Variants in KIAA0319L observed in about 807,000 individuals in gnomAD.
The protein encoded by KIAA0319L is dyslexia-associated protein KIAA0319-like protein.
A neutral mutation model predicts 120.1 loss-of-function variants in KIAA0319L; 55 were observed. The observed-to-expected ratio is 0.46, with a 90% CI of 0.37 to 0.57. The LOEUF (loss-of-function observed/expected upper bound fraction) is 0.57, where lower values mean the gene tolerates loss of function less well. Among genes scored for constraint, KIAA0319L ranks in the 20% least tolerant of loss-of-function variants. The pLI is 0.00. For synonymous variants in KIAA0319L, 398 were observed against 471.9 expected (o/e 0.84, Z 2.03); for missense variants, 1,049 against 1,255.3 (o/e 0.84, Z 2.48).
chr1:35,552,392 G>A (rs181831813), intron 2 of KIAA0319L, among the ~76,000 whole-genome samples: 1 of 152,198 alleles, frequency 6.6e-6, no homozygotes. Context: ...TGGTTGGAAG[G>A]CAGAGTACCA....
At chr1:35,504,176 G>A (rs866595418) in intron 3 of KIAA0319L, among the ~76,000 whole-genome samples, 3 of 149,700 alleles carry the variant, frequency 2.0e-5, no homozygotes, top group South Asian at 4.2e-4. Context: ...ATAAGCTGCC[G>A]TGCCCAGCCC....
chr1:35,485,886 C>T (rs1311313644), intron 3 of KIAA0319L, among the ~76,000 whole-genome samples: 1 of 152,188 alleles, frequency 6.6e-6, no homozygotes, highest in Non-Finnish European at 1.5e-5. Context: ...AAGCAGTCCT[C>T]CTACCTCAGC....
intron 17 of KIAA0319L, among the ~76,000 whole-genome samples, chr1:35,443,721 A>C (rs1641403039): frequency 6.6e-6 from 1 of 151,912 alleles, no homozygotes; most frequent in South Asian, 2.1e-4. Context: ...TTAAACAACA[A>C]GAGCTAGAAG....
rs1329470667 is a variant in KIAA0319L at position 35,434,914 on chromosome 1, G to A, written c.3130C>T (p.Pro1044Ser). The A allele has an allele frequency of 5.0e-6, 8 of 1,612,810 alleles. No individual in the cohort carries two copies. Among genetic ancestry groups the A allele is most frequent in the Non-Finnish European group, 5.9e-6 (7 of 1,180,018 alleles). The change falls in exon 21 of 21, where the codon CCG (proline) becomes TCG (serine). Residue 1044 changes from proline to serine, a missense_variant. Pro to Ser is a moderately conservative substitution (Grantham distance 74, BLOSUM62 -1). Transcript: ENST00000325722. Reference sequence around the variant, plus strand: ...GGTGGCTACAGGATCTCCTCCCGCGGGCTCCTGGCCTTCAGAGGGGTCTGC... The same window carrying A: ...GGTGGCTACAGGATCTCCTCCCGCGAGCTCCTGGCCTTCAGAGGGGTCTGC... ...NGQTPLKARS[P>S]REEIL
chr1:35,513,212 T>G (rs1390199447), intron 2 of KIAA0319L, among the ~76,000 whole-genome samples: 1 of 148,316 alleles, frequency 6.7e-6, no homozygotes, highest in African/African-American at 2.5e-5. Flanking sequence ...CGTTAACTTA[T>G]AGAATATGTT....
rs1310429399 is a variant in KIAA0319L, at chr1:35,548,002, T to C, written c.142+6348A>G. Among the ~76,000 whole-genome samples, 4 of 151,838 alleles carry C rather than the reference T, an allele frequency of 2.6e-5. No individual in the cohort carries two copies. In the East Asian group the frequency reaches 7.7e-4, roughly 29 times the overall value. On this transcript the variant is annotated intron_variant, in intron 2 of 20. Coordinates refer to ENST00000325722, the MANE Select transcript of KIAA0319L (RefSeq NM_024874.5). Reference sequence around the variant, plus strand: ...CAGGTGTGGTGGTGCACCCCTGTAGTCCCAGCTACTCGGGAGGCTGGGGTA... The same window carrying C: ...CAGGTGTGGTGGTGCACCCCTGTAGCCCCAGCTACTCGGGAGGCTGGGGTA...
chr1:35,502,337 T>C (rs1020238138), intron 3 of KIAA0319L, among the ~76,000 whole-genome samples: 4 of 150,936 alleles, frequency 2.7e-5, no homozygotes, highest in African/African-American at 9.7e-5. Context: ...ATTTGCTGTA[T>C]AGATTAAGAG....
At chr1:35,459,146 T>A (rs1271040940) in intron 9 of KIAA0319L, among the ~76,000 whole-genome samples, 1 of 152,018 alleles carries the variant, frequency 6.6e-6, no homozygotes, top group Non-Finnish European at 1.5e-5. Flanking sequence ...AGAGCCATAT[T>A]CTCTCCTGTC....
At chr1:35,520,076 C>T (rs1290974379) in intron 2 of KIAA0319L, among the ~76,000 whole-genome samples, 1 of 149,906 alleles carries the variant, frequency 6.7e-6, no homozygotes, top group African/African-American at 2.5e-5. Context: ...CCCACAGTAG[C>T]CACCCTCAAA....
rs1446510410 is a variant in KIAA0319L at position 35,554,521 on chromosome 1, T to C, written c.-28-2A>G. The C allele has an allele frequency of 7.8e-6, 12 of 1,542,976 alleles. No homozygotes were observed. The highest frequency in any genetic ancestry group is 1.7e-4 in the Middle Eastern group (1 of 5,754). ...CTCCAGACAGGCAGAACCAGTACACTAGAAGGACAGAAAGAGAAGAAATTA... is the reference window on the plus strand; with the variant it reads ...CTCCAGACAGGCAGAACCAGTACACCAGAAGGACAGAAAGAGAAGAAATTA... On this transcript the variant is annotated splice_acceptor_variant, in intron 1 of 20. Coordinates refer to ENST00000325722, the MANE Select transcript of KIAA0319L (RefSeq NM_024874.5). LOFTEE classifies it low-confidence loss of function (5UTR_SPLICE).
chr1:35,556,769 A>C (rs1426497162), intron 1 of KIAA0319L: 1 of 152,092 alleles, frequency 6.6e-6, no homozygotes, highest in African/African-American at 2.4e-5. Context: ...TGTGGGGCAT[A>C]ATTTTCAAAA....
At chr1:35,468,801 C>T (rs1339530330) in intron 6 of KIAA0319L, among the ~76,000 whole-genome samples, 12 of 152,194 alleles carry the variant, frequency 7.9e-5, no homozygotes, top group Non-Finnish European at 1.6e-4. Flanking sequence ...TGTCATAGCA[C>T]AATTATTAAA....
intron 20 of KIAA0319L, 60 bp from the exon 21 acceptor site, chr1:35,435,141 C>G (rs1640681893): frequency 2.7e-6 from 4 of 1,475,962 alleles, no homozygotes; most frequent in African/African-American, 1.4e-5. Context: ...GAGCCACCCC[C>G]ACACCTTACC....
chr1:35,443,762 AGT>A (rs2149077595), intron 17 of KIAA0319L, among the ~76,000 whole-genome samples: 1 of 152,280 alleles, frequency 6.6e-6, no homozygotes, highest in South Asian at 2.1e-4. Flanking sequence ...ATTTTGAAGT[AGT>A]GATAAGTAAA....
chr1:35,519,458 G>A lies in KIAA0319L; in HGVS notation c.143-12323C>T, dbSNP rs142405735. 2.3e-3 allele frequency among the ~76,000 whole-genome samples: 348 copies of A among 152,116 alleles called. 1 individual carries two copies. Among genetic ancestry groups the A allele is most frequent in the African/African-American group, 7.7e-3 (319 of 41,484 alleles). Reference sequence around the variant, plus strand: ...CCACATTTCCAGCTCAGGCTGCTTCGCTGCTGCCTTTCAGTAACAATTAAA... The same window carrying A: ...CCACATTTCCAGCTCAGGCTGCTTCACTGCTGCCTTTCAGTAACAATTAAA... On this transcript the variant is annotated intron_variant, in intron 2 of 20. Transcript: ENST00000325722.
chr1:35,498,576 C>G (rs1328842653), intron 3 of KIAA0319L, among the ~76,000 whole-genome samples: 1 of 152,162 alleles, frequency 6.6e-6, no homozygotes, highest in African/African-American at 2.4e-5. Context: ...TCCCTTCCTC[C>G]CTGCCTCCAC....
chr1:35,435,293 A>G, intron 20 of KIAA0319L: 1 of 558,052 alleles, frequency 1.8e-6, no homozygotes, highest in African/African-American at 1.9e-5. Context: ...CAGAGTACGG[A>G]TGAGAGCACA....
chr1:35,538,938 TCTAA>T (rs1308263284), intron 2 of KIAA0319L, among the ~76,000 whole-genome samples: 1 of 152,078 alleles, frequency 6.6e-6, no homozygotes, highest in African/African-American at 2.4e-5. Context: ...ATAGACTATC[TCTAA>T]CTGCACGGAA....
At chr1:35,538,378 G>A (rs904099245) in intron 2 of KIAA0319L, among the ~76,000 whole-genome samples, 1 of 151,920 alleles carries the variant, frequency 6.6e-6, no homozygotes, top group Non-Finnish European at 1.5e-5. Context: ...ATTGCCTGAG[G>A]TTAGGAATTC....
Sources: gnomAD v4.1 joint callset for allele counts (sites outside exome capture counted in the v4.1 genomes callset) on GRCh38, gnomAD v4.1.1 for gene constraint, MANE v1.5 for transcripts, NCBI Gene and HGNC (gene_info 2026-07-23, HGNC 2026-07-21) for gene names.